ZNF891: variants seen among roughly 807,000 people sequenced by gnomAD.
The protein encoded by ZNF891 is hCG1646157.
For missense variants in ZNF891, 589 were observed against 632.7 expected, an observed-to-expected ratio of 0.93 and a Z score of 0.74; for synonymous variants, 199 against 209.0, an observed-to-expected ratio of 0.95 and a Z score of 0.41.
Position 133,115,894 on chromosome 12 carries a change from T to C in ZNF891, c.*4390A>G, listed in dbSNP as rs778992682. On this transcript the variant is annotated 3_prime_UTR_variant, in exon 2 of 2. Coordinates refer to ENST00000537226, the MANE Select transcript of ZNF891 (RefSeq NM_001277291.2). ...AAATCTGAAAATCCAAAATTTTAAATGCTCCAATGAGCATTTCTTTTGAAA... is the reference window on the plus strand; with the variant it reads ...AAATCTGAAAATCCAAAATTTTAAACGCTCCAATGAGCATTTCTTTTGAAA... The C allele has an allele frequency of 4.6e-5, 7 of 152,200 alleles. No homozygotes were observed. The highest frequency in any genetic ancestry group is 8.8e-5 in the Non-Finnish European group (6 of 68,024). 9.4% of individuals were successfully genotyped at this position (152,200 alleles called of 1,614,324 possible). A position where few individuals can be genotyped will look rare whatever the true frequency, so the allele number is the denominator to read the frequency against.
rs1955589961 is a variant in ZNF891 at position 133,106,256 on chromosome 12, A to G, written c.*14028T>C. 6.2e-7 allele frequency: 1 copy of G among 1,613,990 alleles called. No individual in the cohort carries two copies. The highest frequency in any genetic ancestry group is 1.3e-5 in the African/African-American group (1 of 74,966). Reference sequence around the variant, plus strand: ...ACATCAGAGCATCCATACAACCAAAACCCCGTATGAATGTAATGAATGTAG... The same window carrying G: ...ACATCAGAGCATCCATACAACCAAAGCCCCGTATGAATGTAATGAATGTAG... On this transcript the variant is annotated 3_prime_UTR_variant, in exon 2 of 2. Transcript: ENST00000537226.
intron 1 of ZNF891, among the ~76,000 whole-genome samples, chr12:133,123,710 A>G (rs1336876981): frequency 2.2e-5 from 3 of 138,484 alleles, no homozygotes; most frequent in Non-Finnish European, 3.1e-5. Flanking sequence ...CCTTTGCTTG[A>G]AAAAAAAAAA....
chr12:133,121,958 C>A lies in ZNF891; in HGVS notation c.-40G>T. On this transcript the variant is annotated 5_prime_UTR_variant, in exon 2 of 2. The change abolishes the stop of an existing upstream ORF in the 5' untranslated region. Coordinates refer to ENST00000537226, the MANE Select transcript of ZNF891 (RefSeq NM_001277291.2). ...AGCCTGCACAGTAGAGTAGAGAGAT[C>A]AGGATGTTTCTGTTCTTGTGTCTCC... 6.8e-7 allele frequency: 1 copy of A among 1,467,158 alleles called. No homozygotes were observed. The highest frequency in any genetic ancestry group is 1.4e-5 in the South Asian group (1 of 72,406). 90.9% of individuals were successfully genotyped at this position (1,467,158 alleles called of 1,614,324 possible). A position where few individuals can be genotyped will look rare whatever the true frequency, so the allele number is the denominator to read the frequency against.
At position 133,112,368 on chromosome 12, in the gene ZNF891, C is replaced by T. The variant is rs1375501693; in HGVS notation, c.*7916G>A. On this transcript the variant is annotated 3_prime_UTR_variant, in exon 2 of 2. Transcript: ENST00000537226. The stretch of plus-strand genomic sequence containing the variant: ...ACACAGTCTTGCTCTGTCACCCAGG[C>T]TGGAGTGCAGTGGCACTATCTTGGC... The T allele has an allele frequency of 6.6e-6, 1 of 152,128 alleles. No homozygotes were observed. The highest frequency in any genetic ancestry group is 6.6e-5 in the Admixed American group (1 of 15,248). 9.4% of individuals were successfully genotyped at this position (152,128 alleles called of 1,614,324 possible).
chr12:133,106,449 A>T lies in ZNF891; in HGVS notation c.*13835T>A, dbSNP rs1955601916. ...AAACCCTATGCGTGTGCTGAATGTG[A>T]TAAAGCCTTCAGCCGGAGCTTTTCC... On this transcript the variant is annotated 3_prime_UTR_variant, in exon 2 of 2. Transcript: ENST00000537226. 6.2e-7 allele frequency: 1 copy of T among 1,613,950 alleles called. No individual in the cohort carries two copies. The highest frequency in any genetic ancestry group is 1.7e-5 in the Admixed American group (1 of 60,006).
intron 1 of ZNF891, chr12:133,125,974 C>T (rs1593830814): frequency 2.4e-6 from 1 of 414,364 alleles, no homozygotes; most frequent in South Asian, 2.0e-5. Flanking sequence ...CTGGCTAATT[C>T]TAAATATGTA....
chr12:133,120,946 ATT>A lies in ZNF891; in HGVS notation c.971_972del (p.Gln324LeufsTer10). The A allele has an allele frequency of 1.3e-6, 2 of 1,536,074 alleles. No homozygotes were observed. The highest frequency in any genetic ancestry group is 2.7e-5 in the African/African-American group (2 of 73,166). ...THTEKKHECN[Q>X]CGKAFKRISN... ...GAAATCCTTTTGAAGGCTTTTCCAC[ATT>A]GATTGCATTCATGTTTCTTTTCAGT... On this transcript the variant is annotated frameshift_variant, in exon 2 of 2. Coordinates refer to ENST00000537226, the MANE Select transcript of ZNF891 (RefSeq NM_001277291.2). LOFTEE classifies it low-confidence loss of function (END_TRUNC).
In ZNF891 at chr12:133,108,919, C is replaced by CCTT. The variant is rs1408245778; in HGVS notation, c.*11364_*11365insAAG. The CCTT allele has an allele frequency of 1.1e-4, 17 of 152,198 alleles. No individual in the cohort carries two copies. Among genetic ancestry groups the CCTT allele is most frequent in the Non-Finnish European group, 2.1e-4 (14 of 68,022 alleles). The allele number at this position is 152,198 out of a possible 1,614,324, so 9.4% of individuals were successfully genotyped here. A position where few individuals can be genotyped will look rare whatever the true frequency, so the allele number is the denominator to read the frequency against. ...AGTGTAGCAAAATCTTCTTAGATAT[C>CCTT]TGAAAAGTCATACTGGATGGAATCC... On this transcript the variant is annotated 3_prime_UTR_variant, in exon 2 of 2. Transcript: ENST00000537226.
In ZNF891 at chr12:133,106,671, A is replaced by C; in HGVS notation, c.*13613T>G. 1 of 1,535,348 alleles carries C rather than the reference A, an allele frequency of 6.5e-7. No individual in the cohort carries two copies. Among genetic ancestry groups the C allele is most frequent in the Non-Finnish European group, 8.7e-7 (1 of 1,149,286 alleles). On this transcript the variant is annotated 3_prime_UTR_variant, in exon 2 of 2. Transcript: ENST00000537226. ...CAGTGAATTTACACTGCAAAGAAAAACTATGAATGTATGGAATTTTTTAAA... is the reference window on the plus strand; with the variant it reads ...CAGTGAATTTACACTGCAAAGAAAACCTATGAATGTATGGAATTTTTTAAA...
chr12:133,122,580 G>A (rs775431103), intron 1 of ZNF891, among the ~76,000 whole-genome samples: 6 of 152,164 alleles, frequency 3.9e-5, no homozygotes, highest in African/African-American at 1.2e-4. Flanking sequence ...TGGGGAACAC[G>A]CACTGGGGCC....
rs1208253198 is a variant in ZNF891 at position 133,111,124 on chromosome 12, C to CA, written c.*9159dup. 6.6e-6 allele frequency: 1 copy of CA among 151,776 alleles called. No individual in the cohort carries two copies. The highest frequency in any genetic ancestry group is 1.5e-5 in the Non-Finnish European group (1 of 67,998). The allele number at this position is 151,776 out of a possible 1,614,324, so 9.4% of individuals were successfully genotyped here. ...GAGTCTGAGTCCTTAGCAACTCATT[C>CA]AAAAAGTCTGCCTTTAAAAGGCAGG... On this transcript the variant is annotated 3_prime_UTR_variant, in exon 2 of 2. Coordinates refer to ENST00000537226, the MANE Select transcript of ZNF891 (RefSeq NM_001277291.2).
At chr12:133,122,348 T>A in intron 1 of ZNF891, 1 of 440,404 alleles carries the variant, frequency 2.3e-6, no homozygotes, top group Non-Finnish European at 3.0e-6. Context: ...AAATTTAATG[T>A]ACTATTTGCT....
Position 133,106,309 on chromosome 12 carries a change from T to G in ZNF891, c.*13975A>C. 6.2e-7 allele frequency: 1 copy of G among 1,614,206 alleles called. No homozygotes were observed. Among genetic ancestry groups the G allele is most frequent in the Non-Finnish European group, 8.5e-7 (1 of 1,180,022 alleles). ...AAGCTTTCCGTTGTCACTCATTCCT[T>G]ATTAAACATCAGAGAATTCATGCTG... On this transcript the variant is annotated 3_prime_UTR_variant, in exon 2 of 2. Coordinates refer to ENST00000537226, the MANE Select transcript of ZNF891 (RefSeq NM_001277291.2).
intron 1 of ZNF891, among the ~76,000 whole-genome samples, chr12:133,129,951 C>T (rs1194659353): frequency 6.6e-6 from 1 of 152,188 alleles, no homozygotes; most frequent in African/African-American, 2.4e-5. Context: ...AACGCGCATC[C>T]CCGGCCCCCC....
rs1955667936 is a variant in ZNF891, at chr12:133,109,783, G to C, written c.*10501C>G. The stretch of plus-strand genomic sequence containing the variant: ...ATAACACTGGAGGGGTAAATATGTT[G>C]ATAAATACAAGTCAGGTGTTGGGAA... On this transcript the variant is annotated 3_prime_UTR_variant, in exon 2 of 2. Transcript: ENST00000537226. The C allele has an allele frequency of 6.6e-6, 1 of 152,184 alleles. No homozygotes were observed. The highest frequency in any genetic ancestry group is 1.5e-5 in the Non-Finnish European group (1 of 68,034). The allele number at this position is 152,184 out of a possible 1,614,324, so 9.4% of individuals were successfully genotyped here.
chr12:133,120,306 T>C lies in ZNF891; in HGVS notation c.1613A>G (p.His538Arg). 1.3e-6 allele frequency: 2 copies of C among 1,541,742 alleles called. No individual in the cohort carries two copies. The highest frequency in any genetic ancestry group is 1.7e-6 in the Non-Finnish European group (2 of 1,146,304). ...SSSLIIHKRIHTERETL is the reference protein window; with the variant it reads ...SSSLIIHKRIRTERETL Reference sequence around the variant, plus strand: ...CACTTACAGGGTTTCTCTCTCAGTATGAATTCTCTTGTGTATAATAAGTGA... The same window carrying C: ...CACTTACAGGGTTTCTCTCTCAGTACGAATTCTCTTGTGTATAATAAGTGA... Residue 538 changes from histidine (H) to arginine (R), a missense_variant, in exon 2 of 2, where the codon CAT becomes CGT. Transcript: ENST00000537226.
rs1362790695 is a variant in ZNF891 at position 133,111,948 on chromosome 12, T to A, written c.*8336A>T. ...AATAGCTTCCTAGTCTCTCAAGATTTTTTTATACAAAAATGTGATCTTTTT... is the reference window on the plus strand; with the variant it reads ...AATAGCTTCCTAGTCTCTCAAGATTATTTTATACAAAAATGTGATCTTTTT... On this transcript the variant is annotated 3_prime_UTR_variant, in exon 2 of 2. Coordinates refer to ENST00000537226, the MANE Select transcript of ZNF891 (RefSeq NM_001277291.2). 6.6e-6 allele frequency: 1 copy of A among 152,252 alleles called. No individual in the cohort carries two copies. The highest frequency in any genetic ancestry group is 1.5e-5 in the Non-Finnish European group (1 of 68,036). The allele number at this position is 152,252 out of a possible 1,614,324, so 9.4% of individuals were successfully genotyped here.
At position 133,105,802 on chromosome 12, in the gene ZNF891, C is replaced by T. The variant is rs1310592252; in HGVS notation, c.*14482G>A. 41 of 1,614,144 alleles carry T rather than the reference C, an allele frequency of 2.5e-5. No homozygotes were observed. Among genetic ancestry groups the T allele is most frequent in the Non-Finnish European group, 3.5e-5 (41 of 1,180,026 alleles). ...GAAAAACTTTTGGTCGACGCTTTTC[C>T]CTGGTGTTACACCAGAGGACTCATA... On this transcript the variant is annotated 3_prime_UTR_variant, in exon 2 of 2. Coordinates refer to ENST00000537226, the MANE Select transcript of ZNF891 (RefSeq NM_001277291.2).
In ZNF891 at chr12:133,121,541, C is replaced by T; in HGVS notation, c.378G>A (p.Val126=). The T allele has an allele frequency of 1.3e-6, 2 of 1,536,482 alleles. No homozygotes were observed. The highest frequency in any genetic ancestry group is 1.7e-6 in the Non-Finnish European group (2 of 1,146,984). Residue 126 remains valine (V), a synonymous_variant, in exon 2 of 2, where the codon GTG becomes GTA. Coordinates refer to ENST00000537226, the MANE Select transcript of ZNF891 (RefSeq NM_001277291.2). ...KIQPKTKEST[V]QKILWEEPSN... is the part of the protein sequence containing the mutation. ...ATGGTTCCTCCCACAAAATTTTCTG[C>T]ACAGTTGATTCTTTGGTTTTAGGTT...
Sources: gnomAD v4.1 joint callset for allele counts (sites outside exome capture counted in the v4.1 genomes callset) on GRCh38, gnomAD v4.1.1 for gene constraint, MANE v1.5 for transcripts, NCBI Gene and HGNC (gene_info 2026-07-23, HGNC 2026-07-21) for gene names.